RELL1: variants seen among roughly 807,000 people sequenced by gnomAD.
The protein encoded by RELL1 is RELT like 1.
RELL1 carries 10 observed loss-of-function variants against 23.0 expected under a neutral mutation model. The observed-to-expected ratio is 0.43, with a 90% CI of 0.27 to 0.74. The LOEUF is 0.74. Ranked by LOEUF, RELL1 falls within the 30% of genes least tolerant of loss-of-function variation. The pLI is 0.19. For missense variants in RELL1, 315 were observed against 364.4 expected, an observed-to-expected ratio of 0.86 and a Z score of 1.10; for synonymous variants, 146 against 146.8, an observed-to-expected ratio of 0.99 and a Z score of 0.04.
At chr4:37,680,190 AAT>A (rs1491332774) in intron 1 of RELL1, among the ~76,000 whole-genome samples, 1 of 152,236 alleles carries the variant, frequency 6.6e-6, no homozygotes, top group Non-Finnish European at 1.5e-5. Flanking sequence ...CAAATTAGCG[AAT>A]ATGTTTTTCA....
At chr4:37,657,089 A>AT (rs999647603) in intron 1 of RELL1, among the ~76,000 whole-genome samples, 2 of 152,210 alleles carry the variant, frequency 1.3e-5, no homozygotes, top group African/African-American at 4.8e-5. Context: ...GCAGCTTGGG[A>AT]TTTTTTAACC....
intron 6 of RELL1, chr4:37,591,284 G>A: frequency 3.2e-6 from 1 of 309,196 alleles, no homozygotes. Context: ...TGAACAGCTT[G>A]CTTGACAACC....
At chr4:37,657,804 TG>T (rs1245092575) in intron 1 of RELL1, among the ~76,000 whole-genome samples, 1 of 151,968 alleles carries the variant, frequency 6.6e-6, no homozygotes. Flanking sequence ...CCCAGCTACT[TG>T]GGTGGCTGAG....
intron 3 of RELL1, among the ~76,000 whole-genome samples, chr4:37,644,271 C>T (rs953966374): frequency 6.6e-6 from 1 of 151,792 alleles, no homozygotes; most frequent in Non-Finnish European, 1.5e-5. Flanking sequence ...CCAAGGACCC[C>T]AAACACCCTC....
rs1719876785 is a variant in RELL1 at position 37,624,570 on chromosome 4, C to A, written c.*3+6815G>T. ...TCCAGAGTAGCTGGGACTACAGGCACCCGCCACCACGCCCGGCTAATTTTT... is the reference window on the plus strand; with the variant it reads ...TCCAGAGTAGCTGGGACTACAGGCAACCGCCACCACGCCCGGCTAATTTTT... On this transcript the variant is annotated intron_variant, in intron 6 of 6. Coordinates refer to ENST00000454158, the MANE Select transcript of RELL1 (RefSeq NM_001085400.2). Among the ~76,000 whole-genome samples the A allele has an allele frequency of 2.6e-5, 4 of 151,870 alleles. No homozygotes were observed. In the South Asian group the frequency reaches 8.3e-4, roughly 32 times the overall value.
rs59763359 is a variant in RELL1, at chr4:37,630,356, G to GTTTTTTTTTTT, written c.*3+1018_*3+1028dup. Among the ~76,000 whole-genome samples, 53 of 86,742 alleles carry GTTTTTTTTTTT rather than the reference G, an allele frequency of 6.1e-4. 5 individuals carry two copies. Among genetic ancestry groups the GTTTTTTTTTTT allele is most frequent in the African/African-American group, 2.5e-3 (52 of 20,770 alleles). The allele number at this position is 86,742 out of a possible 152,430, so 56.9% of individuals were successfully genotyped here. On this transcript the variant is annotated intron_variant, in intron 6 of 6. Transcript: ENST00000454158. ...CAGGGTTCTGGTGCGTGTGTGTGTG[G>GTTTTTTTTTTT]TTTTTTTTTTTTTTTTTTTTTTTTT...
downstream of RELL1, among the ~76,000 whole-genome samples, chr4:37,605,916 AGG>A (rs1719202165): frequency 1.1e-4 from 3 of 27,864 alleles, no homozygotes; most frequent in African/African-American, 1.7e-4. Context: ...AGAGGAAGGA[AGG>A]GAGGGAGGGA....
intron 1 of RELL1, among the ~76,000 whole-genome samples, chr4:37,675,794 C>T (rs1722009104): frequency 6.6e-6 from 1 of 152,190 alleles, no homozygotes; most frequent in South Asian, 2.1e-4. Flanking sequence ...ACTCTTATCT[C>T]TTTCACTCCC....
intron 1 of RELL1, among the ~76,000 whole-genome samples, chr4:37,669,186 G>C (rs1239579321): frequency 1.5e-5 from 2 of 137,480 alleles, no homozygotes; most frequent in Admixed American, 1.4e-4. Flanking sequence ...GGAGGTGGGG[G>C]GGGGGGTCAG....
At chr4:37,681,326 T>C (rs1388429588) in intron 1 of RELL1, among the ~76,000 whole-genome samples, 1 of 152,172 alleles carries the variant, frequency 6.6e-6, no homozygotes, top group African/African-American at 2.4e-5. Context: ...AAAAATACTA[T>C]ATTTTTTAAA....
intron 1 of RELL1, among the ~76,000 whole-genome samples, chr4:37,659,823 A>ATTTTTT (rs1721258206): frequency 2.0e-5 from 3 of 152,046 alleles, no homozygotes; most frequent in Admixed American, 2.0e-4. Context: ...CTCAAATCCA[A>ATTTTTT]CCACAGACTA....
intron 1 of RELL1, among the ~76,000 whole-genome samples, chr4:37,680,637 T>C (rs1722184470): frequency 6.6e-6 from 1 of 152,166 alleles, no homozygotes; most frequent in African/African-American, 2.4e-5. Flanking sequence ...AAAGAACCTA[T>C]GCGAGTTAAG....
intron 6 of RELL1, among the ~76,000 whole-genome samples, chr4:37,605,147 T>A (rs1719155895): frequency 6.6e-6 from 1 of 152,222 alleles, no homozygotes; most frequent in Non-Finnish European, 1.5e-5. Context: ...ACGAGTACTA[T>A]GGAGCAAGCC....
chr4:37,643,784 G>T (rs1301309942), intron 3 of RELL1, among the ~76,000 whole-genome samples: 9 of 152,196 alleles, frequency 5.9e-5, no homozygotes, highest in Non-Finnish European at 2.9e-5. Context: ...AAACATGCTA[G>T]GTTATAAACT....
chr4:37,628,505 C>A (rs1720025895), intron 6 of RELL1, among the ~76,000 whole-genome samples: 1 of 152,128 alleles, frequency 6.6e-6, no homozygotes. Context: ...ATCCATGATA[C>A]TATTCTACTT....
chr4:37,682,133 A>C (rs6531571), intron 1 of RELL1, among the ~76,000 whole-genome samples: 150,463 of 152,284 alleles, frequency 0.99, 74,353 homozygotes, highest in East Asian at 1. Flanking sequence ...ACAGGAAATT[A>C]ATTGTAAGAA....
Position 37,592,208 on chromosome 4 carries a change from CAAAAAAAA to C in RELL1, c.*4-999_*4-992del, listed in dbSNP as rs34307749. ...TGGGTGACAGTGCAAGACTCCATCT[CAAAAAAAA>C]AAAAAAAAAAAAGAGCTAAGCTAGG... On this transcript the variant is annotated intron_variant, in intron 6 of 6. Transcript: ENST00000314117. Among the ~76,000 whole-genome samples, 3 of 93,368 alleles carry C rather than the reference CAAAAAAAA, an allele frequency of 3.2e-5. No individual in the cohort carries two copies. In the East Asian group the frequency reaches 1.4e-3, roughly 42 times the overall value. 61.3% of individuals were successfully genotyped at this position (93,368 alleles called of 152,430 possible).
chr4:37,607,497 TTTTTG>T, downstream of RELL1, among the ~76,000 whole-genome samples: 1 of 152,248 alleles, frequency 6.6e-6, no homozygotes, highest in Non-Finnish European at 1.5e-5. Context: ...TTCTTGTTTG[TTTTTG>T]TTTTGTTTTT....
intron 1 of RELL1, among the ~76,000 whole-genome samples, chr4:37,664,963 C>T (rs752312473): frequency 1.3e-5 from 2 of 152,130 alleles, no homozygotes; most frequent in African/African-American, 2.4e-5. Flanking sequence ...TGAAGTCAAA[C>T]ACCTCTTTCC....
Sources: allele counts gnomAD v4.1 joint callset (sites outside exome capture counted in the v4.1 genomes callset), GRCh38; gene constraint gnomAD v4.1.1; transcripts MANE v1.5; gene names NCBI Gene and HGNC (gene_info 2026-07-23, HGNC 2026-07-21).